Variants in WDR17 observed in about 807,000 individuals in gnomAD.
WDR17 encodes the protein WD repeat-containing protein 17.
A neutral mutation model predicts 161.7 loss-of-function variants in WDR17; 143 were observed. That is an observed-to-expected ratio of 0.88 (90% CI 0.77 to 1.02). The LOEUF (loss-of-function observed/expected upper bound fraction) is 1.02. Among genes scored for constraint, WDR17 ranks in the 50% least tolerant of loss-of-function variants. The pLI, the probability that WDR17 is intolerant of heterozygous loss-of-function variation, is 0.00. For missense variants in WDR17, 1,469 were observed against 1,520.9 expected, an observed-to-expected ratio of 0.97 and a Z score of 0.57; for synonymous variants, 517 against 515.6, an observed-to-expected ratio of 1.00 and a Z score of -0.04.
At chr4:176,172,627 A>G in intron 24 of WDR17, 111 bp downstream of exon 24, 1 of 962,492 alleles carries the variant, frequency 1.0e-6, no homozygotes. Context: ...GAAATACCTG[A>G]GGCTGGGTAA....
chr4:176,080,698 C>T (rs1734630998), intron 1 of WDR17, among the ~76,000 whole-genome samples: 1 of 152,060 alleles, frequency 6.6e-6, no homozygotes, highest in Non-Finnish European at 1.5e-5. Context: ...CTTAATTTTA[C>T]TTGGCCTGTC....
chr4:176,115,961 A>C lies in WDR17; in HGVS notation c.289A>C (p.Lys97Gln). 1 of 1,606,668 alleles carries C rather than the reference A, an allele frequency of 6.2e-7. No homozygotes were observed. Among genetic ancestry groups the C allele is most frequent in the Non-Finnish European group, 8.5e-7 (1 of 1,176,650 alleles). Residue 97 changes from lysine to glutamine, a missense_variant, in exon 3 of 29, where the codon AAA becomes CAA. Lys to Gln is a moderately conservative substitution (Grantham distance 53). Transcript: ENST00000508596. Reference sequence around the variant, plus strand: ...TGTTGCAGAACAAAAAGTCATTGCTAAACTCGACAGTACAAAAGGTATAAT... The same window carrying C: ...TGTTGCAGAACAAAAAGTCATTGCTCAACTCGACAGTACAAAAGGTATAAT... ...WNVAEQKVIAKLDSTKGIPAS... is the reference protein window; with the variant it reads ...WNVAEQKVIAQLDSTKGIPAS...
At chr4:176,080,024 G>T (rs1296134352) in intron 1 of WDR17, among the ~76,000 whole-genome samples, 1 of 151,924 alleles carries the variant, frequency 6.6e-6, no homozygotes, top group African/African-American at 2.4e-5. Context: ...AATTTTAAAG[G>T]CCCCACGTTT....
Position 176,128,753 on chromosome 4 carries a change from T to A in WDR17, c.806T>A (p.Val269Asp), listed in dbSNP as rs756278812. The part of the protein sequence containing the change: ...MFITGDSQVG[V>D]LRIWNVSRTT... The stretch of plus-strand genomic sequence containing the variant: ...ATCTGACTAGATTCTCAAGTGGGTG[T>A]TTTACGCATTTGGAATGTTTCAAGA... The change falls in exon 6 of 29, where the codon GTT (valine) becomes GAT (aspartate). Residue 269 changes from valine to aspartate, a missense_variant. Coordinates refer to ENST00000508596, the MANE Select transcript of WDR17 (RefSeq NM_181265.4). 2 of 1,599,684 alleles carry A rather than the reference T, an allele frequency of 1.3e-6. No homozygotes were observed. Among genetic ancestry groups the A allele is most frequent in the South Asian group, 2.3e-5 (2 of 87,124 alleles).
intron 1 of WDR17, among the ~76,000 whole-genome samples, chr4:176,100,271 A>T (rs1448927824): frequency 2.6e-5 from 4 of 151,968 alleles, no homozygotes; most frequent in Admixed American, 6.6e-5. Context: ...AGTAATAGGC[A>T]CTCTGAGTGG....
At chr4:176,167,030 T>C (rs1749875831) in intron 22 of WDR17, among the ~76,000 whole-genome samples, 2 of 152,230 alleles carry the variant, frequency 1.3e-5, no homozygotes, top group Non-Finnish European at 2.9e-5. Flanking sequence ...GTAAGCCTAA[T>C]TGAAAATGTT....
At chr4:176,105,126 C>G (rs1738497127) in intron 1 of WDR17, among the ~76,000 whole-genome samples, 1 of 151,310 alleles carries the variant, frequency 6.6e-6, no homozygotes. Context: ...CAAAAAAGTT[C>G]AGAAAAGTCA....
chr4:176,119,755 A>G, intron 3 of WDR17, 112 bp from the exon 4 acceptor site: 1 of 931,364 alleles, frequency 1.1e-6, no homozygotes, highest in Non-Finnish European at 1.6e-6. Context: ...TAAGAAAGTA[A>G]TGTATCTTAA....
In WDR17 at chr4:176,151,833, A is replaced by T; in HGVS notation, c.2326A>T (p.Thr776Ser). The stretch of plus-strand genomic sequence containing the variant: ...CCAGTCTGAAGCTCAAGAACTAACA[A>T]CAGTCAAGATGTCTAAATTTGGTGG... Reference protein sequence around the residue: ...FRTSEAQELTTVKMSKFGGGI... With the variant: ...FRTSEAQELTSVKMSKFGGGI... The change falls in exon 17 of 29, where the codon ACA becomes TCA. Residue 776 changes from threonine (T) to serine (S), a missense_variant. By Grantham distance (58) the Thr-to-Ser change is moderately conservative. Coordinates refer to ENST00000508596, the MANE Select transcript of WDR17 (RefSeq NM_181265.4). 1.3e-6 allele frequency: 2 copies of T among 1,594,174 alleles called. No individual in the cohort carries two copies. The highest frequency in any genetic ancestry group is 1.7e-6 in the Non-Finnish European group (2 of 1,174,314).
chr4:176,161,468 G>C (rs1749023468), intron 20 of WDR17, among the ~76,000 whole-genome samples: 1 of 152,028 alleles, frequency 6.6e-6, no homozygotes, highest in South Asian at 2.1e-4. Context: ...TTTTAAAAAA[G>C]AAATGGAAAT....
chr4:176,102,458 A>G (rs993997668), intron 1 of WDR17, among the ~76,000 whole-genome samples: 5 of 152,188 alleles, frequency 3.3e-5, no homozygotes, highest in African/African-American at 1.2e-4. Flanking sequence ...AGCTAAACAT[A>G]TTCTTACTAT....
chr4:176,177,625 A>G lies in WDR17; in HGVS notation c.3703A>G (p.Ile1235Val). ...SNLPSHSDIH[I>V]SCLTGLKIQG... ...TCTTCCAAGTCATTCTGATATTCAC[A>G]TTTCTTGTCTTACGGGATTAAAAAT... The change falls in exon 28 of 29, where the codon ATT (isoleucine) becomes GTT (valine). Residue 1235 changes from isoleucine to valine, a missense_variant. Transcript: ENST00000508596. 6.3e-7 allele frequency: 1 copy of G among 1,594,398 alleles called. No homozygotes were observed. The highest frequency in any genetic ancestry group is 1.1e-5 in the South Asian group (1 of 87,050).
At chr4:176,087,374 C>T (rs1456528811) in intron 1 of WDR17, among the ~76,000 whole-genome samples, 1 of 152,076 alleles carries the variant, frequency 6.6e-6, no homozygotes, top group East Asian at 1.9e-4. Flanking sequence ...TGCATTCTCA[C>T]TTCCATTATT....
Position 176,137,614 on chromosome 4 carries a change from A to G in WDR17, c.1359+3A>G, listed in dbSNP as rs1744624210. ...AAATTATACAACGATTTAATGAGGT[A>G]AGATTTATTTATTGCTACTGAATAA... is the stretch of plus-strand genomic sequence containing the variant. On this transcript the variant is annotated splice_donor_region_variant and intron_variant, in intron 9 of 28. Transcript: ENST00000508596. 6.4e-7 allele frequency: 1 copy of G among 1,563,604 alleles called. No individual in the cohort carries two copies. The highest frequency in any genetic ancestry group is 8.7e-7 in the Non-Finnish European group (1 of 1,143,058).
chr4:176,095,982 G>A (rs1367475457), intron 1 of WDR17, among the ~76,000 whole-genome samples: 1 of 152,044 alleles, frequency 6.6e-6, no homozygotes, highest in Non-Finnish European at 1.5e-5. Flanking sequence ...ACTTTTTGAC[G>A]GGTTAGGTGG....
intron 20 of WDR17, among the ~76,000 whole-genome samples, chr4:176,161,414 G>GA (rs1358411602): frequency 3.3e-5 from 5 of 152,064 alleles, no homozygotes. Flanking sequence ...TTGGTATCTA[G>GA]AATAATGTTT....
chr4:176,146,466 T>C (rs1480790573), intron 12 of WDR17, among the ~76,000 whole-genome samples: 1 of 152,198 alleles, frequency 6.6e-6, no homozygotes, highest in Non-Finnish European at 1.5e-5. Context: ...TTTCTGTAGG[T>C]TATGACTTGA....
intron 9 of WDR17, among the ~76,000 whole-genome samples, chr4:176,138,480 A>G (rs1744753346): frequency 6.6e-6 from 1 of 151,772 alleles, no homozygotes; most frequent in African/African-American, 2.4e-5. Context: ...ACTTTGACAA[A>G]GGATTATAAA....
chr4:176,104,235 A>G (rs929335159), intron 1 of WDR17, among the ~76,000 whole-genome samples: 1 of 152,116 alleles, frequency 6.6e-6, no homozygotes, highest in African/African-American at 2.4e-5. Flanking sequence ...GGAGTTCATT[A>G]TCTTTAAACC....
Sources: allele counts gnomAD v4.1 joint callset (sites outside exome capture counted in the v4.1 genomes callset), GRCh38; gene constraint gnomAD v4.1.1; transcripts MANE v1.5; gene names NCBI Gene and HGNC (gene_info 2026-07-23, HGNC 2026-07-21).